The following NSD1 variants were observed in gnomAD, a reference collection of about 807,000 sequenced individuals.
The protein encoded by NSD1 is histone-lysine N-methyltransferase, H3 lysine-36 specific.
Under a neutral mutation model 242.7 loss-of-function variants are expected in NSD1, and 26 were observed. The observed-to-expected ratio is 0.11, with a 90% CI of 0.08 to 0.15. The LOEUF (loss-of-function observed/expected upper bound fraction) is 0.15. Among genes scored for constraint, NSD1 ranks in the 10% least tolerant of loss-of-function variants. The probability of loss-of-function intolerance (pLI) is 1.00; values close to 1 mark genes in which losing one functional copy is unlikely to be tolerated. For missense variants in NSD1, 2,495 were observed against 3,272.8 expected (o/e 0.76, Z 5.80); for synonymous variants, 1,106 against 1,178.1 (o/e 0.94, Z 1.25).
At chr5:177,169,397 G>T in intron 2 of NSD1, 1 of 155,728 alleles carries the variant, frequency 6.4e-6, no homozygotes, top group South Asian at 1.9e-4. Flanking sequence ...ACCGTAGAAT[G>T]GTCGACGTTG....
chr5:177,237,496 A>T (rs551124220), intron 6 of NSD1, among the ~76,000 whole-genome samples: 475 of 148,066 alleles, frequency 3.2e-3, no homozygotes, highest in Non-Finnish European at 5.6e-3. Context: ...TGGTTAAAAA[A>T]ATATATATAT....
intron 17 of NSD1, among the ~76,000 whole-genome samples, chr5:177,280,294 A>G (rs1177358014): frequency 2.0e-5 from 3 of 151,818 alleles, no homozygotes; most frequent in Admixed American, 2.0e-4. Flanking sequence ...TATTTTTTTG[A>G]GATGGAATCT....
At position 177,149,085 on chromosome 5, in the gene NSD1, C is replaced by T. The variant is rs1273942129; in HGVS notation, c.927+13055C>T. ...CCACCCATCTTGGCTTCCCAAAGTCCTGGGATTTCAGGCATGAGCCATTGC... is the reference window on the plus strand; with the variant it reads ...CCACCCATCTTGGCTTCCCAAAGTCTTGGGATTTCAGGCATGAGCCATTGC... On this transcript the variant is annotated intron_variant, in intron 2 of 22. Coordinates refer to ENST00000439151, the MANE Select transcript of NSD1 (RefSeq NM_022455.5). 3.9e-5 allele frequency among the ~76,000 whole-genome samples: 6 copies of T among 152,214 alleles called. No individual in the cohort carries two copies. In the East Asian group the frequency reaches 1.2e-3, roughly 29 times the overall value.
intron 7 of NSD1, among the ~76,000 whole-genome samples, chr5:177,239,388 A>G (rs1765685582): frequency 6.6e-6 from 1 of 152,208 alleles, no homozygotes; most frequent in African/African-American, 2.4e-5. Flanking sequence ...AGCAGAAACT[A>G]TAATCTTTGT....
chr5:177,259,654 C>CAA (rs1581467197), intron 13 of NSD1, among the ~76,000 whole-genome samples: 1 of 152,198 alleles, frequency 6.6e-6, no homozygotes, highest in Non-Finnish European at 1.5e-5. Context: ...AAAAGAATCA[C>CAA]AGAGTTCCAG....
chr5:177,147,515 G>C (rs1022104479), intron 2 of NSD1, among the ~76,000 whole-genome samples: 1 of 152,002 alleles, frequency 6.6e-6, no homozygotes, highest in Non-Finnish European at 1.5e-5. Context: ...AGCCTTTTGG[G>C]ATTGTCTTTT....
intron 2 of NSD1, among the ~76,000 whole-genome samples, chr5:177,175,095 TCTC>T (rs1196189902): frequency 1.3e-5 from 2 of 151,752 alleles, no homozygotes; most frequent in East Asian, 3.9e-4. Flanking sequence ...ATGGTCTCGA[TCTC>T]CTGACCTCGT....
chr5:177,185,968 A>C, intron 2 of NSD1, among the ~76,000 whole-genome samples: 2 of 93,254 alleles, frequency 2.1e-5, no homozygotes, highest in South Asian at 5.8e-4. Flanking sequence ...TTTATATATA[A>C]CTATATTATA....
At position 177,211,566 on chromosome 5, in the gene NSD1, T is replaced by G; in HGVS notation, c.3167T>G (p.Leu1056Arg). 6.2e-7 allele frequency: 1 copy of G among 1,614,024 alleles called. No individual in the cohort carries two copies. Among genetic ancestry groups the G allele is most frequent in the Non-Finnish European group, 8.5e-7 (1 of 1,180,010 alleles). The stretch of plus-strand genomic sequence containing the variant: ...TTAAAGACCGAGCGCAAAAGAAAAC[T>G]GAATCAGCTTCCAAGTGTGACTCTT... ...KALKTERKRK[L>R]NQLPSVTLDA... Residue 1056 changes from leucine to arginine, a missense_variant, in exon 5 of 23, where the codon CTG becomes CGG. Transcript: ENST00000439151.
chr5:177,172,961 CA>C (rs1157349270), intron 2 of NSD1, among the ~76,000 whole-genome samples: 4,022 of 66,050 alleles, frequency 0.061, 43 homozygotes, highest in African/African-American at 0.09. Context: ...GACCCTGTCT[CA>C]AAAAAAAAAA....
chr5:177,222,205 T>C (rs1232049573), intron 5 of NSD1, among the ~76,000 whole-genome samples: 1 of 152,140 alleles, frequency 6.6e-6, no homozygotes, highest in African/African-American at 2.4e-5. Flanking sequence ...CTTGGCTCAT[T>C]TCAAGTTTCA....
At chr5:177,155,796 C>T (rs1758081319) in intron 2 of NSD1, among the ~76,000 whole-genome samples, 1 of 152,006 alleles carries the variant, frequency 6.6e-6, no homozygotes. Flanking sequence ...AGCAATTCTT[C>T]TGCCTCAGCT....
chr5:177,132,561 C>A (rs1341397748), upstream of NSD1, among the ~76,000 whole-genome samples: 1 of 151,844 alleles, frequency 6.6e-6, no homozygotes, highest in African/African-American at 2.4e-5. This position sits in a 1 kb window ranked among gnomAD's most constrained non-coding sequence, Gnocchi z 7.5. Flanking sequence ...GAGCTTCGTC[C>A]CGGCTGGGCC....
intron 21 of NSD1, 94 bp downstream of exon 21, chr5:177,289,019 T>C: frequency 1.1e-6 from 1 of 932,370 alleles, no homozygotes; most frequent in Non-Finnish European, 1.8e-6. Flanking sequence ...AAGAAATCTC[T>C]TTGAAATTAA....
At chr5:177,164,177 ATGGAGTCTAGCTCTGTTGCCCAAGC>A (rs1758986824) in intron 2 of NSD1, among the ~76,000 whole-genome samples, 1 of 130,322 alleles carries the variant, frequency 7.7e-6, no homozygotes, top group Non-Finnish European at 1.6e-5. Flanking sequence ...TTTTTTTGAG[ATGGAGTCTAGCTCTGTTGCCCAAGC>A]TGGAGTGCAA....
At chr5:177,265,488 G>GGA (rs761182914) in intron 14 of NSD1, 3 of 643,076 alleles carry the variant, frequency 4.7e-6, no homozygotes, top group Non-Finnish European at 5.5e-6. Flanking sequence ...GGGGAGGGAG[G>GGA]GAGAGAGAGA....
At chr5:177,203,931 A>G (rs1762680313) in intron 3 of NSD1, among the ~76,000 whole-genome samples, 189 bp from the exon 4 acceptor site, 1 of 151,970 alleles carries the variant, frequency 6.6e-6, no homozygotes, top group Admixed American at 6.6e-5. Flanking sequence ...CCTCCTGTGT[A>G]TTTTCTTGCC....
At chr5:177,189,222 G>A (rs1417162490) in intron 2 of NSD1, among the ~76,000 whole-genome samples, 1 of 152,108 alleles carries the variant, frequency 6.6e-6, no homozygotes, top group African/African-American at 2.4e-5. Context: ...CCAATTTTGT[G>A]GCTTAGGAAA....
At position 177,135,589 on chromosome 5, in the gene NSD1, A is replaced by C; in HGVS notation, c.486A>C (p.Ala162=). 1 of 1,614,222 alleles carries C rather than the reference A, an allele frequency of 6.2e-7. No individual in the cohort carries two copies. The highest frequency in any genetic ancestry group is 8.5e-7 in the Non-Finnish European group (1 of 1,180,048). The part of the protein sequence containing the change: ...HFENFTCVDD[A]DVDSEMDPEQ... The stretch of plus-strand genomic sequence containing the variant: ...AGAATTTTACTTGTGTGGACGATGC[A>C]GATGTAGATTCTGAAATGGACCCAG... Residue 162 remains alanine (A), a synonymous_variant, in exon 2 of 23, where the codon GCA becomes GCC. Coordinates refer to ENST00000439151, the MANE Select transcript of NSD1 (RefSeq NM_022455.5).
Sources: allele counts gnomAD v4.1 joint callset (sites outside exome capture counted in the v4.1 genomes callset), GRCh38; gene constraint gnomAD v4.1.1; non-coding constraint Gnocchi (gnomAD v3.1); transcripts MANE v1.5; gene names NCBI Gene and HGNC (gene_info 2026-07-23, HGNC 2026-07-21).